Variants in PRKCH observed in about 807,000 individuals in gnomAD.
PRKCH encodes the protein protein kinase C eta, also known as protein kinase C eta type.
A neutral mutation model predicts 82.5 loss-of-function variants in PRKCH; 28 were observed. That is an observed-to-expected ratio of 0.34 (90% CI 0.25 to 0.47). The LOEUF (loss-of-function observed/expected upper bound fraction) is 0.47, where lower values mean the gene tolerates loss of function less well. PRKCH is among the 20% of genes least tolerant of loss of function. The pLI is 1.00. For synonymous variants in PRKCH, 322 were observed against 327.4 expected (o/e 0.98, Z 0.18); for missense variants, 705 against 881.8 (o/e 0.80, Z 2.54).
chr14:61,462,438 A>G lies in PRKCH; in HGVS notation c.1278+4759A>G, dbSNP rs1885067467. Among the ~76,000 whole-genome samples the G allele has an allele frequency of 2.0e-5, 3 of 152,212 alleles. No homozygotes were observed. In the South Asian group the frequency reaches 6.2e-4, roughly 32 times the overall value. ...GCAAAGGAGATTTTCTAATGCTGAG[A>G]TAGAGGTATACAATTTTAGTTTTGC... On this transcript the variant is annotated intron_variant, in intron 9 of 13. Transcript: ENST00000332981.
rs1325167688 is a variant in PRKCH, at chr14:61,252,128, G to A, written c.-19+64460G>A. Among the ~76,000 whole-genome samples, 3 of 152,134 alleles carry A rather than the reference G, an allele frequency of 2.0e-5. 1 individual carries two copies. Among genetic ancestry groups the A allele is most frequent in the Middle Eastern group, 6.3e-3 (2 of 316 alleles). On this transcript the variant is annotated intron_variant, in intron 1 of 3. Transcript: ENST00000555185. ...GCTGGGATTACAGGCATGAGCCACC[G>A]TGCCCAGCCGAGGGTCTTATTTTTA... is the stretch of plus-strand genomic sequence containing the variant.
chr14:61,328,776 C>G (rs1415679608), intron 1 of PRKCH, among the ~76,000 whole-genome samples: 1 of 151,610 alleles, frequency 6.6e-6, no homozygotes, highest in Non-Finnish European at 1.5e-5. Flanking sequence ...TCCCTTGGGC[C>G]CAGGAGTTTG....
At chr14:61,499,494 C>G (rs1886805227) in intron 10 of PRKCH, among the ~76,000 whole-genome samples, 7 of 152,118 alleles carry the variant, frequency 4.6e-5, no homozygotes, top group Admixed American at 4.6e-4. Context: ...CTTTGACTGC[C>G]TGGCCCCTCA....
intron 1 of PRKCH, among the ~76,000 whole-genome samples, chr14:61,265,419 T>G (rs2045090326): frequency 6.6e-6 from 1 of 152,186 alleles, no homozygotes; most frequent in Non-Finnish European, 1.5e-5. Context: ...ATGCGGAAGC[T>G]GCAGTGAGCC....
At chr14:61,335,250 C>T (rs1411977198) in intron 1 of PRKCH, among the ~76,000 whole-genome samples, 1 of 152,056 alleles carries the variant, frequency 6.6e-6, no homozygotes, top group Non-Finnish European at 1.5e-5. Context: ...CAAATGACAT[C>T]ATAGAAGCAT....
Position 61,322,162 on chromosome 14 carries a change from G to A in PRKCH, c.61G>A (p.Gly21Arg). 1 of 1,609,532 alleles carries A rather than the reference G, an allele frequency of 6.2e-7. No homozygotes were observed. The highest frequency in any genetic ancestry group is 8.5e-7 in the Non-Finnish European group (1 of 1,178,180). Residue 21 changes from glycine to arginine, a missense_variant, in exon 1 of 14, where the codon GGG (glycine) becomes AGG (arginine). Transcript: ENST00000332981. ...YLRVRIGEAV[G>R]LQPTRWSLRH... ...GAGGGTCCGCATCGGTGAGGCAGTG[G>A]GGCTGCAGCCCACCCGCTGGTCCCT...
intron 10 of PRKCH, among the ~76,000 whole-genome samples, chr14:61,526,965 A>T (rs2042973355): frequency 2.0e-5 from 3 of 152,218 alleles, no homozygotes. Context: ...TGTCTCACCC[A>T]AAAGGCCAAG....
At chr14:61,382,388 C>T (rs148035845) in intron 1 of PRKCH, among the ~76,000 whole-genome samples, 1 of 152,186 alleles carries the variant, frequency 6.6e-6, no homozygotes, top group East Asian at 1.9e-4. Context: ...TGTGATTGTG[C>T]CACTGCACTC....
At chr14:61,342,346 G>T (rs1044675445) in intron 1 of PRKCH, among the ~76,000 whole-genome samples, 1 of 152,168 alleles carries the variant, frequency 6.6e-6, no homozygotes, top group Non-Finnish European at 1.5e-5. Context: ...TGCAGAAAAG[G>T]CTTGGAGAGG....
intron 1 of PRKCH, among the ~76,000 whole-genome samples, chr14:61,193,783 G>T (rs1032955839): frequency 6.6e-6 from 1 of 152,192 alleles, no homozygotes; most frequent in African/African-American, 2.4e-5. Context: ...GACTTTCAGA[G>T]AATCCATATT....
chr14:61,457,617 A>T lies in PRKCH; in HGVS notation c.1216A>T (p.Ile406Phe), dbSNP rs773421169. The change falls in exon 9 of 14, where the codon ATC (isoleucine) becomes TTC (phenylalanine). Residue 406 changes from isoleucine (I) to phenylalanine (F), a missense_variant. Around this residue, in one of 5 missense-constraint regions of PRKCH, gnomAD observed 238 missense variants for 258.1 expected, o/e 0.92. Coordinates refer to ENST00000332981, the MANE Select transcript of PRKCH (RefSeq NM_006255.5). ...DVECTMTEKR[I>F]LSLARNHPFL... is the part of the protein sequence containing the mutation. ...GGAATGCACCATGACCGAGAAAAGG[A>T]TCCTGTCTCTGGCCCGCAATCACCC... The T allele has an allele frequency of 1.9e-6, 3 of 1,613,940 alleles. No homozygotes were observed. Among genetic ancestry groups the T allele is most frequent in the African/African-American group, 2.7e-5 (2 of 74,890 alleles).
chr14:61,321,091 G>T (rs2045613274), upstream of PRKCH, among the ~76,000 whole-genome samples: 1 of 152,164 alleles, frequency 6.6e-6, no homozygotes, highest in South Asian at 2.1e-4. The surrounding 1 kb of genome is among the most constrained non-coding windows in gnomAD (Gnocchi z 4.1). Flanking sequence ...CAGGAAAGGC[G>T]CACAAACAGG....
chr14:61,339,826 A>G (rs1594927455), intron 1 of PRKCH, among the ~76,000 whole-genome samples: 1 of 150,944 alleles, frequency 6.6e-6, no homozygotes, highest in East Asian at 2.0e-4. Context: ...GATTACAGGC[A>G]TGCGCCACCA....
intron 4 of PRKCH, 83 bp downstream of exon 4, chr14:61,445,809 T>A: frequency 7.3e-7 from 1 of 1,361,232 alleles, no homozygotes; most frequent in Non-Finnish European, 1.0e-6. Flanking sequence ...CAGGGTATCT[T>A]CCCTTAATAT....
chr14:61,372,937 A>C (rs2046382081), intron 1 of PRKCH, among the ~76,000 whole-genome samples: 1 of 152,062 alleles, frequency 6.6e-6, no homozygotes, highest in African/African-American at 2.4e-5. Flanking sequence ...TCAACTCATC[A>C]TTTGGCTTAA....
At chr14:61,240,903 T>TA (rs1369452188) in intron 1 of PRKCH, among the ~76,000 whole-genome samples, 2 of 152,054 alleles carry the variant, frequency 1.3e-5, no homozygotes, top group African/African-American at 4.8e-5. Flanking sequence ...CTTCAGTAAC[T>TA]AAATGTGTGA....
chr14:61,323,091 G>A (rs191390257), intron 1 of PRKCH, among the ~76,000 whole-genome samples: 2 of 152,216 alleles, frequency 1.3e-5, no homozygotes, highest in Admixed American at 1.3e-4. Flanking sequence ...TAGTCAGTCC[G>A]AGGTGGGAGT....
intron 2 of PRKCH, among the ~76,000 whole-genome samples, chr14:61,428,661 A>G (rs1050543692): frequency 6.6e-6 from 1 of 152,240 alleles, no homozygotes; most frequent in Admixed American, 6.5e-5. Context: ...AGATTTTTTG[A>G]TAATTGATCT....
intron 1 of PRKCH, among the ~76,000 whole-genome samples, chr14:61,375,136 G>T (rs2046413149): frequency 6.6e-6 from 1 of 152,042 alleles, no homozygotes; most frequent in Non-Finnish European, 1.5e-5. Flanking sequence ...GAGTTCCACA[G>T]ATCTCTAGGG....
Sources: allele counts gnomAD v4.1 joint callset (sites outside exome capture counted in the v4.1 genomes callset), GRCh38; gene constraint gnomAD v4.1.1; regional missense constraint gnomAD v4.1.1; non-coding constraint Gnocchi (gnomAD v3.1); transcripts MANE v1.5; gene names NCBI Gene and HGNC (gene_info 2026-07-23, HGNC 2026-07-21).